The following SMYD3 variants were observed in gnomAD, a reference collection of about 807,000 sequenced individuals.
SMYD3 encodes SET and MYND domain containing 3, also known as histone-lysine N-methyltransferase SMYD3.
SMYD3 carries 36 observed loss-of-function variants against 57.7 expected under a neutral mutation model. The ratio of observed to expected loss-of-function variants is 0.62; its 90% CI spans 0.48 to 0.82. The LOEUF (loss-of-function observed/expected upper bound fraction) is 0.82, where lower values mean the gene tolerates loss of function less well. SMYD3 is among the 40% of genes least tolerant of loss of function. SMYD3 has a pLI of 0.00. For synonymous variants in SMYD3, 211 were observed against 195.0 expected (o/e 1.08, Z -0.68); for missense variants, 515 against 538.8 (o/e 0.96, Z 0.44).
intron 5 of SMYD3, among the ~76,000 whole-genome samples, chr1:246,275,593 T>A (rs74662424): frequency 2.0e-5 from 2 of 97,730 alleles, no homozygotes; most frequent in East Asian, 7.7e-4. Flanking sequence ...CTGATGCCCA[T>A]GTTTGAATAC....
intron 1 of SMYD3, among the ~76,000 whole-genome samples, chr1:246,382,256 T>G (rs1406474609): frequency 6.6e-6 from 1 of 152,024 alleles, no homozygotes; most frequent in Non-Finnish European, 1.5e-5. Context: ...GGATTCAGAC[T>G]GAAACCCAAA....
chr1:246,070,576 G>A (rs961197662), intron 5 of SMYD3, among the ~76,000 whole-genome samples: 1 of 152,092 alleles, frequency 6.6e-6, no homozygotes, highest in African/African-American at 2.4e-5. Flanking sequence ...CCCAGAGATG[G>A]GCCCCAAGAG....
Position 245,817,873 on chromosome 1 carries a change from G to A in SMYD3, c.1076+40623C>T, listed in dbSNP as rs200882168. 1.6e-3 allele frequency among the ~76,000 whole-genome samples: 240 copies of A among 151,998 alleles called. 1 individual carries two copies. Among genetic ancestry groups the A allele is most frequent in the African/African-American group, 5.5e-3 (230 of 41,482 alleles). ...AAAAGAATAAAAAGAAATGAGCAAC[G>A]CCTCCAAGAAATATGGGACTATGTG... On this transcript the variant is annotated intron_variant, in intron 10 of 11. Transcript: ENST00000490107.
chr1:246,443,770 T>C (rs181938219), intron 1 of SMYD3, among the ~76,000 whole-genome samples: 286 of 152,336 alleles, frequency 1.9e-3, no homozygotes, highest in Admixed American at 3.3e-3. Context: ...TATACGTATC[T>C]TAAATATTAT....
intron 1 of SMYD3, among the ~76,000 whole-genome samples, chr1:246,359,845 GC>G (rs2065961727): frequency 6.6e-6 from 1 of 152,118 alleles, no homozygotes; most frequent in Non-Finnish European, 1.5e-5. Context: ...CAAACCCACA[GC>G]CAACATTACA....
intron 10 of SMYD3, among the ~76,000 whole-genome samples, chr1:245,837,859 A>G (rs1450514303): frequency 6.6e-6 from 1 of 152,234 alleles, no homozygotes; most frequent in Non-Finnish European, 1.5e-5. Flanking sequence ...GGCATGAAAT[A>G]TACTTCACTG....
intron 5 of SMYD3, chr1:245,988,587 C>T (rs1294769270): frequency 6.6e-6 from 1 of 152,338 alleles, no homozygotes; most frequent in Non-Finnish European, 1.5e-5. Flanking sequence ...CTTATTCCCA[C>T]CATTGTCCCA....
chr1:245,834,365 A>C (rs1200863488), intron 10 of SMYD3, among the ~76,000 whole-genome samples: 1 of 152,164 alleles, frequency 6.6e-6, no homozygotes, highest in Admixed American at 6.5e-5. Flanking sequence ...CGGGAGTAAA[A>C]ATGGTCCAGA....
chr1:245,882,644 T>C (rs566850476), intron 8 of SMYD3, among the ~76,000 whole-genome samples: 2 of 152,306 alleles, frequency 1.3e-5, no homozygotes, highest in East Asian at 3.9e-4. Flanking sequence ...TCCCAGTTCT[T>C]ATTCAGTTAC....
intron 1 of SMYD3, among the ~76,000 whole-genome samples, chr1:246,425,846 C>G (rs932874662): frequency 2.0e-5 from 3 of 152,062 alleles, no homozygotes; most frequent in Non-Finnish European, 2.9e-5. Flanking sequence ...ACAAGGGATG[C>G]CTTTAGTTTT....
At chr1:246,186,731 C>T (rs2062647730) in intron 5 of SMYD3, 1 of 984,982 alleles carries the variant, frequency 1.0e-6, no homozygotes, top group Admixed American at 6.2e-5. Flanking sequence ...AATGATCCCT[C>T]TGAATACTTA....
chr1:245,753,752 T>C (rs1401425376), intron 11 of SMYD3, among the ~76,000 whole-genome samples: 3 of 152,204 alleles, frequency 2.0e-5, no homozygotes. Flanking sequence ...AAAGTTACAA[T>C]AAATTTCTGA....
At chr1:246,287,394 T>C (rs1164927539) in intron 5 of SMYD3, among the ~76,000 whole-genome samples, 1 of 152,224 alleles carries the variant, frequency 6.6e-6, no homozygotes, top group Non-Finnish European at 1.5e-5. Context: ...ATGTAATCAC[T>C]ATTTAATAGT....
intron 1 of SMYD3, among the ~76,000 whole-genome samples, chr1:246,442,857 G>C: frequency 6.6e-6 from 1 of 152,084 alleles, no homozygotes; most frequent in East Asian, 1.9e-4. Context: ...CCAGACTCTG[G>C]TAAGAATCTG....
chr1:246,033,020 A>G (rs960227030), intron 5 of SMYD3, among the ~76,000 whole-genome samples: 1 of 152,250 alleles, frequency 6.6e-6, no homozygotes, highest in South Asian at 2.1e-4. Flanking sequence ...ATATGCAACT[A>G]GCATACAACC....
chr1:246,192,540 G>A (rs933140612), intron 5 of SMYD3, among the ~76,000 whole-genome samples: 11 of 152,166 alleles, frequency 7.2e-5, no homozygotes, highest in Non-Finnish European at 5.9e-5. Context: ...ACAGGCGTGA[G>A]CCACTGTGCC....
At chr1:245,789,628 T>C (rs934480024) in intron 10 of SMYD3, among the ~76,000 whole-genome samples, 4 of 152,198 alleles carry the variant, frequency 2.6e-5, no homozygotes, top group Admixed American at 2.6e-4. Context: ...AAACTAAATA[T>C]TGGTGCCAAA....
At chr1:245,947,435 C>A in intron 5 of SMYD3, 1 of 456,982 alleles carries the variant, frequency 2.2e-6, no homozygotes, top group South Asian at 1.6e-5. Context: ...CCAATTGTTT[C>A]CTGTTTTGTG....
At chr1:246,393,307 C>G (rs923165730) in intron 1 of SMYD3, among the ~76,000 whole-genome samples, 2 of 152,040 alleles carry the variant, frequency 1.3e-5, no homozygotes, top group Non-Finnish European at 2.9e-5. Context: ...TTAAGCTTGA[C>G]CATTATAATC....
Sources: allele counts gnomAD v4.1 joint callset (sites outside exome capture counted in the v4.1 genomes callset), GRCh38; gene constraint gnomAD v4.1.1; transcripts MANE v1.5; gene names NCBI Gene and HGNC (gene_info 2026-07-23, HGNC 2026-07-21).